STOX1: variants seen among roughly 807,000 people sequenced by gnomAD.
STOX1 encodes storkhead-box protein 1.
Under a neutral mutation model 74.8 loss-of-function variants are expected in STOX1, and 57 were observed. That is an observed-to-expected ratio of 0.76 (90% CI 0.62 to 0.95). STOX1 has a LOEUF of 0.95. Ranked by LOEUF, STOX1 falls within the 40% of genes least tolerant of loss-of-function variation. STOX1 has a pLI of 0.00. For synonymous variants in STOX1, 375 were observed against 401.3 expected (o/e 0.93, Z 0.78); for missense variants, 1,010 against 1,117.0 (o/e 0.90, Z 1.37).
chr10:68,862,617 G>C (rs1391782275), intron 1 of STOX1, among the ~76,000 whole-genome samples: 5 of 151,998 alleles, frequency 3.3e-5, no homozygotes. Flanking sequence ...ATCATTTGAG[G>C]TTGAGGTGCC....
At chr10:68,869,918 G>T (rs1840495752) in intron 1 of STOX1, among the ~76,000 whole-genome samples, 1 of 152,016 alleles carries the variant, frequency 6.6e-6, no homozygotes, top group African/African-American at 2.4e-5. Flanking sequence ...CTGTGTATGG[G>T]CAAGGGAACT....
At chr10:68,880,164 C>CTTTTTTT (rs71028800) in intron 1 of STOX1, among the ~76,000 whole-genome samples, 94 of 124,398 alleles carry the variant, frequency 7.6e-4, no homozygotes, top group African/African-American at 1.2e-3. Context: ...TCTTTCTTTC[C>CTTTTTTT]TTTTTTTTTT....
In STOX1 at chr10:68,884,998, C is replaced by T. The variant is rs760991279; in HGVS notation, c.1202C>T (p.Thr401Ile). The T allele has an allele frequency of 3.1e-6, 5 of 1,614,026 alleles. No homozygotes were observed. The highest frequency in any genetic ancestry group is 4.2e-6 in the Non-Finnish European group (5 of 1,180,038). ...NSQGTSTDML[T>I]IGHKYPSKEG... ...CAGGGCACTTCCACTGACATGCTGA[C>T]AATCGGGCATAAGTATCCTTCAAAA... Residue 401 changes from threonine to isoleucine, a missense_variant, in exon 3 of 4, where the codon ACA becomes ATA. Transcript: ENST00000298596.
At chr10:68,876,917 C>G (rs1840694829) in intron 1 of STOX1, among the ~76,000 whole-genome samples, 1 of 152,154 alleles carries the variant, frequency 6.6e-6, no homozygotes, top group Non-Finnish European at 1.5e-5. Context: ...GAGATGCATT[C>G]CAAAAAGCAA....
chr10:68,832,210 T>C (rs1361523112), intron 1 of STOX1, among the ~76,000 whole-genome samples: 1 of 152,092 alleles, frequency 6.6e-6, no homozygotes, highest in Non-Finnish European at 1.5e-5. Flanking sequence ...CTGTATTTGT[T>C]TGGAAGAATC....
chr10:68,838,122 C>T (rs1357277609), intron 1 of STOX1, among the ~76,000 whole-genome samples: 1 of 149,370 alleles, frequency 6.7e-6, no homozygotes, highest in Admixed American at 6.8e-5. Context: ...GCTGGAGTGT[C>T]GTGGTGTGAT....
intron 1 of STOX1, among the ~76,000 whole-genome samples, chr10:68,847,599 G>T (rs1413972050): frequency 6.6e-6 from 1 of 151,884 alleles, no homozygotes; most frequent in African/African-American, 2.4e-5. Context: ...TAGTAGAGAT[G>T]GGATTTCACT....
chr10:68,833,626 T>C (rs1839467407), intron 1 of STOX1, among the ~76,000 whole-genome samples: 1 of 152,082 alleles, frequency 6.6e-6, no homozygotes, highest in African/African-American at 2.4e-5. Flanking sequence ...TTATAATGCC[T>C]TTCCATACAA....
At chr10:68,840,075 A>G (rs562692873) in intron 1 of STOX1, among the ~76,000 whole-genome samples, 1 of 152,326 alleles carries the variant, frequency 6.6e-6, no homozygotes, top group South Asian at 2.1e-4. Flanking sequence ...TGCCGAGAAC[A>G]CACAATGGGG....
intron 2 of STOX1, among the ~76,000 whole-genome samples, chr10:68,883,562 C>T (rs915578179): frequency 4.0e-5 from 6 of 151,804 alleles, no homozygotes; most frequent in Non-Finnish European, 8.8e-5. Context: ...TACAGACACC[C>T]GCCACCATGC....
At chr10:68,876,597 T>G (rs569001346) in intron 1 of STOX1, among the ~76,000 whole-genome samples, 2 of 152,326 alleles carry the variant, frequency 1.3e-5, no homozygotes, top group South Asian at 4.1e-4. Flanking sequence ...TTATTTTTTG[T>G]GAAACCAGTC....
rs1276208361 is a variant in STOX1, at chr10:68,886,623, G to T, written c.2822+5G>T. 1 of 1,613,584 alleles carries T rather than the reference G, an allele frequency of 6.2e-7. No homozygotes were observed. The highest frequency in any genetic ancestry group is 1.3e-5 in the African/African-American group (1 of 75,032). ...TAGTGGAATAGATTCTCCACGGTAG[G>T]TCCATACAAAAGTGTCTGATTTAGG... On this transcript the variant is annotated splice_donor_5th_base_variant and intron_variant, in intron 3 of 3. Coordinates refer to ENST00000298596, the MANE Select transcript of STOX1 (RefSeq NM_152709.5).
At chr10:68,866,304 C>T (rs1840403119) in intron 1 of STOX1, among the ~76,000 whole-genome samples, 1 of 152,076 alleles carries the variant, frequency 6.6e-6, no homozygotes, top group Non-Finnish European at 1.5e-5. Flanking sequence ...TTGAACTGGC[C>T]ATGTGGATGG....
chr10:68,891,650 A>G (rs1841100606), intron 3 of STOX1, among the ~76,000 whole-genome samples: 1 of 151,798 alleles, frequency 6.6e-6, no homozygotes, highest in Admixed American at 6.6e-5. Flanking sequence ...AAAAATACAA[A>G]AATTAGCCAG....
At chr10:68,890,760 C>T (rs1329386171) in intron 3 of STOX1, among the ~76,000 whole-genome samples, 1 of 150,924 alleles carries the variant, frequency 6.6e-6, no homozygotes, top group Non-Finnish European at 1.5e-5. Context: ...AATTGATTCT[C>T]CTGCCTCAGC....
chr10:68,865,704 G>A (rs1840387165), intron 1 of STOX1, among the ~76,000 whole-genome samples: 1 of 152,192 alleles, frequency 6.6e-6, no homozygotes, highest in Non-Finnish European at 1.5e-5. Context: ...GGAGAAGGCA[G>A]TCCTGGCTGT....
chr10:68,846,089 T>C, intron 1 of STOX1, among the ~76,000 whole-genome samples: 1 of 150,418 alleles, frequency 6.6e-6, no homozygotes. Context: ...TGTTAATTTT[T>C]GTATGTGGTA....
At chr10:68,829,015 C>T in intron 1 of STOX1, 1 of 985,192 alleles carries the variant, frequency 1.0e-6, no homozygotes, top group Non-Finnish European at 1.2e-6. Context: ...CTCCCTGTAA[C>T]AACCTTGTTC....
chr10:68,828,957 C>T (rs572100349), intron 1 of STOX1: 1 of 985,194 alleles, frequency 1.0e-6, no homozygotes, highest in African/African-American at 1.7e-5. Flanking sequence ...CCACCGCACC[C>T]GTGAGTGGTC....
Sources: allele counts gnomAD v4.1 joint callset (sites outside exome capture counted in the v4.1 genomes callset), GRCh38; gene constraint gnomAD v4.1.1; transcripts MANE v1.5; gene names NCBI Gene and HGNC (gene_info 2026-07-23, HGNC 2026-07-21).